ROBO1: variants seen among roughly 807,000 people sequenced by gnomAD.
The protein encoded by ROBO1 is roundabout homolog 1.
Under a neutral mutation model 195.9 loss-of-function variants are expected in ROBO1, and 149 were observed. The observed-to-expected ratio is 0.76, with a 90% CI of 0.67 to 0.87. The LOEUF (loss-of-function observed/expected upper bound fraction) is 0.87, where lower values mean the gene tolerates loss of function less well. Ranked by LOEUF, ROBO1 falls within the 40% of genes least tolerant of loss-of-function variation. The probability of loss-of-function intolerance (pLI) is 0.00; values close to 1 mark genes in which losing one functional copy is unlikely to be tolerated. For synonymous variants in ROBO1, 816 were observed against 733.2 expected (o/e 1.11, Z -1.82); for missense variants, 1,933 against 2,068.3 (o/e 0.93, Z 1.27).
At chr3:79,218,467 C>A (rs180685237) in intron 2 of ROBO1, among the ~76,000 whole-genome samples, 4 of 152,020 alleles carry the variant, frequency 2.6e-5, no homozygotes, top group African/African-American at 9.6e-5. Flanking sequence ...CAAATAAATT[C>A]TTTTGGATAG....
At chr3:78,604,587 T>G (rs1468526286) in intron 29 of ROBO1, among the ~76,000 whole-genome samples, 1 of 152,196 alleles carries the variant, frequency 6.6e-6, no homozygotes, top group Non-Finnish European at 1.5e-5. Flanking sequence ...AAGGACATTG[T>G]GGTCACACAA....
intron 4 of ROBO1, among the ~76,000 whole-genome samples, chr3:78,907,302 C>A (rs200640231): frequency 6.6e-6 from 1 of 151,550 alleles, no homozygotes; most frequent in East Asian, 1.9e-4. Context: ...ACAACAACAA[C>A]AAAAAAAACA....
At chr3:79,506,481 A>C (rs1399414170) in intron 2 of ROBO1, among the ~76,000 whole-genome samples, 1 of 151,776 alleles carries the variant, frequency 6.6e-6, no homozygotes, top group African/African-American at 2.4e-5. Flanking sequence ...TTTGAGATGG[A>C]GTCTCACTCT....
chr3:79,562,071 A>G (rs1358454180), intron 2 of ROBO1, among the ~76,000 whole-genome samples: 1 of 152,144 alleles, frequency 6.6e-6, no homozygotes, highest in Non-Finnish European at 1.5e-5. Context: ...GCCTTTGTGG[A>G]CTAATTCAGC....
At chr3:78,738,037 G>A (rs1473400229) in intron 5 of ROBO1, among the ~76,000 whole-genome samples, 1 of 152,042 alleles carries the variant, frequency 6.6e-6, no homozygotes, top group East Asian at 1.9e-4. Context: ...GGAAGAGGAA[G>A]CAAAAGACAT....
intron 1 of ROBO1, among the ~76,000 whole-genome samples, chr3:79,594,269 A>T (rs1256104618): frequency 2.0e-5 from 3 of 152,012 alleles, no homozygotes; most frequent in African/African-American, 7.2e-5. Flanking sequence ...CTGTATTTGT[A>T]TGTTCTCTCA....
chr3:79,409,934 A>T (rs35331305), intron 2 of ROBO1, among the ~76,000 whole-genome samples: 2,120 of 152,132 alleles, frequency 0.014, 38 homozygotes, highest in African/African-American at 0.047. Flanking sequence ...TTATTTGCAC[A>T]TATATATATA....
rs1293203573 is a variant in ROBO1 at position 79,150,462 on chromosome 3, T to C, written c.89-24923A>G. ...TTTCAGCTACATGTAATAAATGCCA[T>C]TGGAGGTATTTAAAAGACAATATTA... On this transcript the variant is annotated intron_variant, in intron 2 of 30. Transcript: ENST00000464233. Among the ~76,000 whole-genome samples, 6 of 151,850 alleles carry C rather than the reference T, an allele frequency of 4.0e-5. No individual in the cohort carries two copies. In the East Asian group the frequency reaches 1.2e-3, roughly 30 times the overall value.
intron 2 of ROBO1, among the ~76,000 whole-genome samples, chr3:79,342,295 C>G (rs945693043): frequency 5.3e-5 from 8 of 152,076 alleles, no homozygotes; most frequent in African/African-American, 1.7e-4. Flanking sequence ...AAAGGGATAA[C>G]TGTAGCAAAA....
At chr3:78,850,465 A>G (rs993621988) in intron 4 of ROBO1, among the ~76,000 whole-genome samples, 1 of 152,248 alleles carries the variant, frequency 6.6e-6, no homozygotes, top group South Asian at 2.1e-4. Flanking sequence ...ATAAACAAGA[A>G]AAACATAACA....
chr3:79,337,341 G>A (rs114287428), intron 2 of ROBO1, among the ~76,000 whole-genome samples: 2,849 of 152,238 alleles, frequency 0.019, 68 homozygotes, highest in African/African-American at 0.06. Flanking sequence ...AGGGTGGGAC[G>A]AAGTGGAGAT....
intron 3 of ROBO1, among the ~76,000 whole-genome samples, chr3:78,992,796 A>G (rs567320889): frequency 6.6e-6 from 1 of 152,284 alleles, no homozygotes; most frequent in South Asian, 2.1e-4. Flanking sequence ...ACACTAGAAG[A>G]CATTCATGAA....
chr3:79,398,789 T>A (rs2037249071), intron 2 of ROBO1, among the ~76,000 whole-genome samples: 1 of 152,122 alleles, frequency 6.6e-6, no homozygotes, highest in South Asian at 2.1e-4. Flanking sequence ...AAAGTACTGA[T>A]TCTCAACTTT....
chr3:79,536,035 C>T (rs1382254255), intron 2 of ROBO1, among the ~76,000 whole-genome samples: 1 of 152,050 alleles, frequency 6.6e-6, no homozygotes, highest in Non-Finnish European at 1.5e-5. Flanking sequence ...GGAGATCTAT[C>T]ATAACAAACA....
At chr3:79,368,280 C>T (rs1052670126) in intron 2 of ROBO1, among the ~76,000 whole-genome samples, 5 of 152,128 alleles carry the variant, frequency 3.3e-5, no homozygotes, top group Non-Finnish European at 1.5e-5. Flanking sequence ...TTTACAGTTG[C>T]CTGATAAATT....
At chr3:78,602,717 A>T (rs1210953782) in intron 29 of ROBO1, among the ~76,000 whole-genome samples, 1 of 152,032 alleles carries the variant, frequency 6.6e-6, no homozygotes, top group Non-Finnish European at 1.5e-5. Flanking sequence ...TATATTTTTA[A>T]TTCCTAAACT....
rs752518731 is a variant in ROBO1 at position 79,188,193 on chromosome 3, A to AT, written c.89-62655dup. ...AAATTGTGTTTGGCTTCGTAGAGACATTTTTACTGTTTTTATAACTATATT... is the reference window on the plus strand; with the variant it reads ...AAATTGTGTTTGGCTTCGTAGAGACATTTTTTACTGTTTTTATAACTATATT... On this transcript the variant is annotated intron_variant, in intron 2 of 30. Transcript: ENST00000464233. 7.9e-5 allele frequency among the ~76,000 whole-genome samples: 12 copies of AT among 152,000 alleles called. No homozygotes were observed. In the East Asian group the frequency reaches 1.4e-3, roughly 17 times the overall value.
chr3:79,554,243 G>A (rs1254855527), intron 2 of ROBO1, among the ~76,000 whole-genome samples: 1 of 151,920 alleles, frequency 6.6e-6, no homozygotes, highest in Non-Finnish European at 1.5e-5. Context: ...TAGAGACCAT[G>A]GGACCCAGAA....
At chr3:79,525,793 A>G (rs1941410228) in intron 2 of ROBO1, among the ~76,000 whole-genome samples, 1 of 151,724 alleles carries the variant, frequency 6.6e-6, no homozygotes, top group African/African-American at 2.4e-5. Flanking sequence ...TTTAGTAGAG[A>G]CGGAGTTTCG....
Sources: allele counts gnomAD v4.1 joint callset (sites outside exome capture counted in the v4.1 genomes callset), GRCh38; gene constraint gnomAD v4.1.1; transcripts MANE v1.5; gene names NCBI Gene and HGNC (gene_info 2026-07-23, HGNC 2026-07-21).